Variants in TSPAN14 observed in about 807,000 individuals in gnomAD.
The protein encoded by TSPAN14 is tetraspanin-14.
In TSPAN14, 16 loss-of-function variants were observed where a neutral mutation model predicts 36.6. That is an observed-to-expected ratio of 0.44 (90% CI 0.30 to 0.66). The LOEUF (loss-of-function observed/expected upper bound fraction) is 0.66. TSPAN14 is among the 30% of genes least tolerant of loss of function. The pLI is 0.12. For synonymous variants in TSPAN14, 139 were observed against 143.8 expected, an observed-to-expected ratio of 0.97 and a Z score of 0.24; for missense variants, 231 against 355.1, an observed-to-expected ratio of 0.65 and a Z score of 2.81.
rs1425103596 is a variant in TSPAN14 at position 80,506,740 on chromosome 10, T to A, written c.133-488T>A. Among the ~76,000 whole-genome samples, 6 of 152,396 alleles carry A rather than the reference T, an allele frequency of 3.9e-5. No individual in the cohort carries two copies. The East Asian group carries it at 9.6e-4, about 24-fold the overall frequency. ...GTATAGTCTAAAACACCTCCATTGG[T>A]GTAGAAACTTCTATGGACAGCATTG... On this transcript the variant is annotated intron_variant, in intron 3 of 8. Coordinates refer to ENST00000429989, the Ensembl canonical transcript of TSPAN14.
At chr10:80,498,766 A>G (rs1008683986) in intron 2 of TSPAN14, among the ~76,000 whole-genome samples, 26 of 152,212 alleles carry the variant, frequency 1.7e-4, no homozygotes, top group African/African-American at 6.0e-4. Flanking sequence ...CATGTCACGT[A>G]GGATCTTCCT....
intron 1 of TSPAN14, among the ~76,000 whole-genome samples, chr10:80,479,332 A>G (rs995318177): frequency 1.3e-5 from 2 of 151,158 alleles, no homozygotes; most frequent in African/African-American, 4.9e-5. Context: ...TTTTGTTGCC[A>G]TTGCTTTTGG....
intron 2 of TSPAN14, among the ~76,000 whole-genome samples, chr10:80,502,309 C>T (rs188064237): frequency 5.1e-4 from 77 of 152,228 alleles, no homozygotes; most frequent in African/African-American, 1.7e-3. Flanking sequence ...TGGGAGAGAC[C>T]GTGCATTTTC....
In TSPAN14 at chr10:80,509,828, C is replaced by T. The variant is rs547276529; in HGVS notation, c.450+357C>T. 68 of 205,580 alleles carry T rather than the reference C, an allele frequency of 3.3e-4. No individual in the cohort carries two copies. The highest frequency in any genetic ancestry group is 1.5e-3 in the African/African-American group (65 of 43,454). The allele number at this position is 205,580 out of a possible 1,614,324, so 12.7% of individuals were successfully genotyped here. ...AGGCGCTGCATACCGTAAGGCACAG[C>T]TTCTTCCCCCCGGCTCATGACTCAC... On this transcript the variant is annotated intron_variant, in intron 5 of 8. Transcript: ENST00000429989. This position sits in a 1 kb window ranked among gnomAD's most constrained non-coding sequence, Gnocchi z 4.7.
At chr10:80,460,875 C>T (rs1845931551) in intron 1 of TSPAN14, among the ~76,000 whole-genome samples, 1 of 152,206 alleles carries the variant, frequency 6.6e-6, no homozygotes, top group South Asian at 2.1e-4. Flanking sequence ...ACCAGTCTGA[C>T]AACTTTGTGG....
chr10:80,515,654 TG>T (rs1178501031), intron 7 of TSPAN14: 1 of 153,766 alleles, frequency 6.5e-6, no homozygotes, highest in East Asian at 1.9e-4. Context: ...GATTGCCCTG[TG>T]TGGGGTGGGC....
At chr10:80,496,285 T>C (rs941251373) in intron 2 of TSPAN14, among the ~76,000 whole-genome samples, 2 of 152,240 alleles carry the variant, frequency 1.3e-5, no homozygotes, top group African/African-American at 4.8e-5. Context: ...ATTTTTTTCC[T>C]AATATAAATA....
At chr10:80,487,928 A>G (rs1453098086) in intron 1 of TSPAN14, among the ~76,000 whole-genome samples, 1 of 152,084 alleles carries the variant, frequency 6.6e-6, no homozygotes, top group Admixed American at 6.5e-5. Context: ...GTGTGGTTTC[A>G]TGTCCCTTCT....
chr10:80,511,617 G>A (rs1035821112), intron 5 of TSPAN14, among the ~76,000 whole-genome samples: 5 of 152,096 alleles, frequency 3.3e-5, no homozygotes, highest in African/African-American at 1.2e-4. Context: ...AGCCAGCCAT[G>A]TGGGTTGGAC....
intron 2 of TSPAN14, among the ~76,000 whole-genome samples, chr10:80,497,250 A>G (rs1041362041): frequency 1.3e-5 from 2 of 152,244 alleles, no homozygotes; most frequent in Admixed American, 6.5e-5. Flanking sequence ...AGACCTGAGT[A>G]TAGGGTATCC....
At chr10:80,455,856 G>T (rs1845712687) in intron 1 of TSPAN14, among the ~76,000 whole-genome samples, 1 of 152,104 alleles carries the variant, frequency 6.6e-6, no homozygotes, top group Non-Finnish European at 1.5e-5. Flanking sequence ...AGGGATTACA[G>T]GTGTGAGCCA....
rs573040897 is a variant in TSPAN14 at position 80,494,630 on chromosome 10, C to G, written c.81+5316C>G. Among the ~76,000 whole-genome samples, 5 of 152,320 alleles carry G rather than the reference C, an allele frequency of 3.3e-5. No individual in the cohort carries two copies. The South Asian group carries it at 6.2e-4, about 19-fold the overall frequency. On this transcript the variant is annotated intron_variant, in intron 2 of 8. Transcript: ENST00000429989. ...GATAGTCTGCTGTTCCTGGGCTCTT[C>G]TGACTGATGGAAAATTGCCCTTATT...
chr10:80,456,783 C>T (rs1305412381), intron 1 of TSPAN14, among the ~76,000 whole-genome samples: 1 of 152,198 alleles, frequency 6.6e-6, no homozygotes, highest in Non-Finnish European at 1.5e-5. Flanking sequence ...GCTGTGATGG[C>T]TGGGCGTGAT....
At chr10:80,503,082 G>A (rs1848612226) in intron 2 of TSPAN14, among the ~76,000 whole-genome samples, 1 of 150,636 alleles carries the variant, frequency 6.6e-6, no homozygotes, top group Non-Finnish European at 1.5e-5. Context: ...GCTTTGGCAA[G>A]AGGGAGGCAG....
At chr10:80,454,501 C>T (rs144974427) in intron 1 of TSPAN14, 130 bp downstream of exon 1, 2,844 of 152,394 alleles carry the variant, frequency 0.019, 32 homozygotes, top group Non-Finnish European at 0.024. Flanking sequence ...CTCAGCCTCC[C>T]TCCCCGCCTG....
intron 4 of TSPAN14, among the ~76,000 whole-genome samples, chr10:80,508,613 G>A (rs1840441852): frequency 6.6e-6 from 1 of 152,144 alleles, no homozygotes; most frequent in South Asian, 2.1e-4. Flanking sequence ...GCCTGGGGCA[G>A]CTGAGCTTCT....
chr10:80,485,443 C>A (rs966711425), intron 1 of TSPAN14, among the ~76,000 whole-genome samples: 1 of 152,100 alleles, frequency 6.6e-6, no homozygotes, highest in African/African-American at 2.4e-5. Flanking sequence ...GGCTCAGGAG[C>A]GCTCAGTCCT....
chr10:80,463,461 T>C (rs372068077), intron 1 of TSPAN14, among the ~76,000 whole-genome samples: 23 of 152,330 alleles, frequency 1.5e-4, no homozygotes, highest in African/African-American at 5.5e-4. Context: ...ACTGTATTCC[T>C]CTCTTGTTTA....
chr10:80,512,005 A>G (rs1840680339), intron 5 of TSPAN14, 139 bp from the exon 6 acceptor site: 2 of 1,327,784 alleles, frequency 1.5e-6, no homozygotes, highest in Non-Finnish European at 2.1e-6. Flanking sequence ...TGCACATGGG[A>G]GGTAGGGGGC....
Sources: gnomAD v4.1 joint callset for allele counts (sites outside exome capture counted in the v4.1 genomes callset) on GRCh38, gnomAD v4.1.1 for gene constraint, Gnocchi (gnomAD v3.1) non-coding constraint, MANE v1.5 for transcripts, NCBI Gene and HGNC (gene_info 2026-07-23, HGNC 2026-07-21) for gene names.